The following LCLAT1 variants were observed in gnomAD, a reference collection of about 807,000 sequenced individuals.
The protein encoded by LCLAT1 is 1-AGP acyltransferase 8.
LCLAT1 carries 11 observed loss-of-function variants against 30.7 expected under a neutral mutation model. The ratio of observed to expected loss-of-function variants is 0.36; its 90% CI spans 0.23 to 0.59. The LOEUF is 0.59. LCLAT1 is among the 20% of genes least tolerant of loss of function. LCLAT1 has a pLI of 0.77. For synonymous variants in LCLAT1, 155 were observed against 151.3 expected, an observed-to-expected ratio of 1.02 and a Z score of -0.18; for missense variants, 402 against 458.6, an observed-to-expected ratio of 0.88 and a Z score of 1.13.
chr2:30,527,540 GGAGAGCGAGCATAAGCA>G (rs2148387573), intron 2 of LCLAT1, among the ~76,000 whole-genome samples: 1 of 152,244 alleles, frequency 6.6e-6, no homozygotes, highest in Non-Finnish European at 1.5e-5. Flanking sequence ...TCTAATTTTT[GGAGAGCGAGCATAAGCA>G]GAGTGCTTAT....
chr2:30,469,574 C>CTTTTTTTT (rs199634493), intron 1 of LCLAT1, among the ~76,000 whole-genome samples: 3 of 103,838 alleles, frequency 2.9e-5, no homozygotes, highest in African/African-American at 8.3e-5. Context: ...CAGGTCTCTT[C>CTTTTTTTT]TTTTTTTTTT....
intron 3 of LCLAT1, among the ~76,000 whole-genome samples, chr2:30,560,132 A>G (rs1039808669): frequency 6.6e-6 from 1 of 152,164 alleles, no homozygotes; most frequent in East Asian, 1.9e-4. Context: ...GTCATGTCCA[A>G]TATTGGTGGA....
chr2:30,449,036 T>A (rs978678740), intron 1 of LCLAT1, among the ~76,000 whole-genome samples: 1 of 152,010 alleles, frequency 6.6e-6, no homozygotes, highest in African/African-American at 2.4e-5. Context: ...GCCAACTCAG[T>A]CATCTAGCAT....
At chr2:30,503,458 A>G (rs908585629) in intron 1 of LCLAT1, among the ~76,000 whole-genome samples, 4 of 152,202 alleles carry the variant, frequency 2.6e-5, no homozygotes, top group African/African-American at 9.6e-5. Flanking sequence ...GAGGACTATA[A>G]TAAGTAATTT....
intron 5 of LCLAT1, among the ~76,000 whole-genome samples, chr2:30,570,814 A>G (rs1433172577): frequency 6.6e-6 from 1 of 152,198 alleles, no homozygotes; most frequent in African/African-American, 2.4e-5. Context: ...GCTGCCTGAG[A>G]TAACGGGGGA....
chr2:30,568,883 A>AAAAG (rs1239321620), intron 5 of LCLAT1, among the ~76,000 whole-genome samples: 9 of 150,622 alleles, frequency 6.0e-5, no homozygotes, highest in African/African-American at 1.7e-4. Flanking sequence ...AAAAAAAAAA[A>AAAAG]AGAGAAAAAA....
chr2:30,448,000 A>G (rs1681351617), intron 1 of LCLAT1, among the ~76,000 whole-genome samples: 2 of 152,220 alleles, frequency 1.3e-5, no homozygotes, highest in African/African-American at 4.8e-5. Flanking sequence ...GGTGTATCGT[A>G]GCTTCTAATT....
intron 1 of LCLAT1, among the ~76,000 whole-genome samples, chr2:30,483,083 TG>T (rs1231694099): frequency 6.6e-6 from 1 of 152,154 alleles, no homozygotes; most frequent in Non-Finnish European, 1.5e-5. Flanking sequence ...TTAATACAAA[TG>T]TAATATTGCT....
At chr2:30,629,483 C>G (rs1244269455) in intron 5 of LCLAT1, among the ~76,000 whole-genome samples, 1 of 152,132 alleles carries the variant, frequency 6.6e-6, no homozygotes, top group East Asian at 1.9e-4. Context: ...TCGCTTGAAC[C>G]CGGGAAGTGG....
At chr2:30,510,076 T>A (rs948903093) in intron 1 of LCLAT1, among the ~76,000 whole-genome samples, 1 of 152,188 alleles carries the variant, frequency 6.6e-6, no homozygotes, top group African/African-American at 2.4e-5. Flanking sequence ...TCAGAGAGTC[T>A]TCCTTTTGTG....
At chr2:30,496,420 G>C in intron 1 of LCLAT1, among the ~76,000 whole-genome samples, 1 of 152,274 alleles carries the variant, frequency 6.6e-6, no homozygotes, top group East Asian at 1.9e-4. Flanking sequence ...GTTTCTGGGC[G>C]TCTTTCTTCC....
intron 1 of LCLAT1, among the ~76,000 whole-genome samples, chr2:30,511,238 CT>C (rs1684924493): frequency 6.6e-6 from 1 of 152,150 alleles, no homozygotes; most frequent in Non-Finnish European, 1.5e-5. Flanking sequence ...TATTTTCGAA[CT>C]CCTGACCTCA....
intron 1 of LCLAT1, among the ~76,000 whole-genome samples, chr2:30,499,661 A>C (rs1249991649): frequency 6.6e-6 from 1 of 152,170 alleles, no homozygotes; most frequent in Non-Finnish European, 1.5e-5. Context: ...CAGATTTTCA[A>C]AGATGTCTTC....
At chr2:30,495,395 T>C (rs974801646) in intron 1 of LCLAT1, among the ~76,000 whole-genome samples, 1 of 152,090 alleles carries the variant, frequency 6.6e-6, no homozygotes, top group African/African-American at 2.4e-5. Flanking sequence ...TTTCTAATAC[T>C]CTCCTTAGTG....
At chr2:30,595,196 G>C (rs1377175666) in intron 5 of LCLAT1, among the ~76,000 whole-genome samples, 1 of 151,702 alleles carries the variant, frequency 6.6e-6, no homozygotes, top group East Asian at 1.9e-4. Flanking sequence ...TTCTTTCTAG[G>C]GACTGCTCTG....
At chr2:30,511,342 A>G (rs949984548) in intron 1 of LCLAT1, among the ~76,000 whole-genome samples, 3 of 152,130 alleles carry the variant, frequency 2.0e-5, no homozygotes, top group Non-Finnish European at 4.4e-5. Context: ...CTTTCCTCAT[A>G]GCCTGGTCAG....
intron 5 of LCLAT1, among the ~76,000 whole-genome samples, chr2:30,614,492 A>G (rs1172121644): frequency 6.6e-6 from 1 of 152,152 alleles, no homozygotes; most frequent in African/African-American, 2.4e-5. Context: ...AGAAAATGAG[A>G]GGGAACTAGT....
At chr2:30,613,076 T>C (rs1435884673) in intron 5 of LCLAT1, among the ~76,000 whole-genome samples, 1 of 152,026 alleles carries the variant, frequency 6.6e-6, no homozygotes, top group African/African-American at 2.4e-5. Context: ...AACAATAACG[T>C]GCCTGAGATG....
chr2:30,486,056 A>G (rs1370018380), intron 1 of LCLAT1, among the ~76,000 whole-genome samples: 1 of 152,162 alleles, frequency 6.6e-6, no homozygotes, highest in Non-Finnish European at 1.5e-5. Flanking sequence ...TATGGCTTTT[A>G]GGACTAAATA....
Sources: allele counts gnomAD v4.1 joint callset (sites outside exome capture counted in the v4.1 genomes callset), GRCh38; gene constraint gnomAD v4.1.1; transcripts MANE v1.5; gene names NCBI Gene and HGNC (gene_info 2026-07-23, HGNC 2026-07-21).